The following IL1RAPL1 variants were observed in gnomAD, a reference collection of about 807,000 sequenced individuals.
IL1RAPL1 encodes the protein interleukin-1 receptor accessory protein-like 1.
Under a neutral mutation model 48.4 loss-of-function variants are expected in IL1RAPL1, and 3 were observed. That is an observed-to-expected ratio of 0.06 (90% CI 0.03 to 0.16). IL1RAPL1 has a LOEUF of 0.16. Among genes scored for constraint, IL1RAPL1 ranks in the 10% least tolerant of loss-of-function variants. The probability of loss-of-function intolerance (pLI) is 1.00; values close to 1 mark genes in which losing one functional copy is unlikely to be tolerated. For missense variants in IL1RAPL1, 349 were observed against 530.6 expected, an observed-to-expected ratio of 0.66 and a Z score of 3.36; for synonymous variants, 185 against 187.7, an observed-to-expected ratio of 0.99 and a Z score of 0.12.
At chrX:29,933,967 A>G (rs780517973) in intron 8 of IL1RAPL1, among the ~76,000 whole-genome samples, 3 of 110,472 alleles carry the variant, frequency 2.7e-5, no homozygotes, top group Non-Finnish European at 3.8e-5. Context: ...AGCCAGAGCA[A>G]AGGTCCTAAG....
Position 29,272,349 on chromosome X carries a change from A to G in IL1RAPL1, c.83-10589A>G, listed in dbSNP as rs1323961725. Among the ~76,000 whole-genome samples the G allele has an allele frequency of 2.7e-5, 3 of 111,653 alleles. No homozygotes were observed. The Admixed American group carries it at 2.9e-4, about 11-fold the overall frequency. On this transcript the variant is annotated intron_variant, in intron 2 of 10. Coordinates refer to ENST00000378993, the MANE Select transcript of IL1RAPL1 (RefSeq NM_014271.4). ...TACTGGTTCAATTTCAGAACTCACT[A>G]TGGTTCTGTTCTGTTATTGTTCTGT...
rs773774930 is a variant in IL1RAPL1 at position 28,945,901 on chromosome X, A to G, written c.82+156476A>G. 1.7e-3 allele frequency among the ~76,000 whole-genome samples: 163 copies of G among 94,713 alleles called. 1 individual carries two copies. The highest frequency in any genetic ancestry group is 0.011 in the Middle Eastern group (2 of 178). 82.2% of individuals were successfully genotyped at this position (94,713 alleles called of 115,157 possible). On this transcript the variant is annotated intron_variant, in intron 2 of 10. Coordinates refer to ENST00000378993, the MANE Select transcript of IL1RAPL1 (RefSeq NM_014271.4). ...TATATATGTATGTATATATATATAT[A>G]TATGTGTGTGTGTGTGTGTGTGTGT...
At chrX:28,998,195 TA>T (rs375090885) in intron 2 of IL1RAPL1, among the ~76,000 whole-genome samples, 20 of 105,775 alleles carry the variant, frequency 1.9e-4, no homozygotes, top group Middle Eastern at 4.9e-3. Flanking sequence ...TTAATTGCCT[TA>T]AAAAAAAAAG....
chrX:28,950,896 G>A (rs1924441761), intron 2 of IL1RAPL1, among the ~76,000 whole-genome samples: 1 of 109,085 alleles, frequency 9.2e-6, no homozygotes, highest in African/African-American at 3.3e-5. Flanking sequence ...TGATAGAATG[G>A]ATTAAGAAAA....
intron 1 of IL1RAPL1, among the ~76,000 whole-genome samples, chrX:28,789,046 C>T (rs981034074): frequency 6.8e-4 from 75 of 110,846 alleles, no homozygotes; most frequent in African/African-American, 2.3e-3. Flanking sequence ...ACAACTAGGG[C>T]GTTTAAATAA....
chrX:29,885,042 C>T (rs926430543), intron 6 of IL1RAPL1, among the ~76,000 whole-genome samples: 7 of 111,410 alleles, frequency 6.3e-5, no homozygotes, highest in Admixed American at 9.6e-5. Flanking sequence ...TTCTTCATCC[C>T]CCCGTCTTAG....
At chrX:28,713,122 C>T (rs1174062094) in intron 1 of IL1RAPL1, among the ~76,000 whole-genome samples, 2 of 110,396 alleles carry the variant, frequency 1.8e-5, no homozygotes, top group Admixed American at 9.7e-5. Context: ...GGCCTGATCT[C>T]GGCTCACTGC....
intron 2 of IL1RAPL1, among the ~76,000 whole-genome samples, chrX:29,181,256 C>T (rs754652256): frequency 1.8e-5 from 2 of 111,158 alleles, no homozygotes; most frequent in East Asian, 5.6e-4. Flanking sequence ...TTTTAGCACA[C>T]CATGTGTTCA....
rs5927515 is a variant in IL1RAPL1, at chrX:29,447,797, A to G, written c.703+48489A>G. On this transcript the variant is annotated intron_variant, in intron 5 of 10. Coordinates refer to ENST00000378993, the MANE Select transcript of IL1RAPL1 (RefSeq NM_014271.4). Reference sequence around the variant, plus strand: ...CACATACTCATTTGTCATTATTTGAAGAATAAATGAATGAATACTAAGAGC... The same window carrying G: ...CACATACTCATTTGTCATTATTTGAGGAATAAATGAATGAATACTAAGAGC... Among the ~76,000 whole-genome samples, 1,067 of 112,580 alleles carry G rather than the reference A, an allele frequency of 9.5e-3. 8 individuals carry two copies. The highest frequency in any genetic ancestry group is 0.015 in the Non-Finnish European group (807 of 53,250).
intron 6 of IL1RAPL1, among the ~76,000 whole-genome samples, chrX:29,869,324 C>A (rs970788862): frequency 1.8e-5 from 2 of 111,468 alleles, no homozygotes; most frequent in African/African-American, 6.5e-5. Flanking sequence ...CATTAAAGGG[C>A]CCACATTCCC....
At chrX:29,460,558 CT>C in intron 5 of IL1RAPL1, among the ~76,000 whole-genome samples, 1 of 112,290 alleles carries the variant, frequency 8.9e-6, no homozygotes, top group East Asian at 2.8e-4. Flanking sequence ...CATACTTCAG[CT>C]TTTTTTAAAA....
intron 6 of IL1RAPL1, among the ~76,000 whole-genome samples, chrX:29,733,045 C>CAA (rs980395650): frequency 1.8e-5 from 2 of 109,590 alleles, no homozygotes; most frequent in Non-Finnish European, 3.8e-5. Context: ...GGGAGGGAGG[C>CAA]AGAGGAAGAG....
intron 3 of IL1RAPL1, among the ~76,000 whole-genome samples, chrX:29,306,401 T>G (rs1360250173): frequency 4.5e-4 from 48 of 106,376 alleles, no homozygotes; most frequent in African/African-American, 1.7e-3. Context: ...TGGTGGTGGG[T>G]GCCTGTAATC....
intron 5 of IL1RAPL1, among the ~76,000 whole-genome samples, chrX:29,573,649 A>G (rs1922667600): frequency 8.9e-6 from 1 of 112,274 alleles, no homozygotes; most frequent in South Asian, 3.8e-4. Context: ...TCCTCCCATC[A>G]CTGGCATATC....
intron 3 of IL1RAPL1, among the ~76,000 whole-genome samples, chrX:29,334,762 G>A (rs1299405585): frequency 1.8e-5 from 2 of 113,630 alleles, no homozygotes; most frequent in Admixed American, 9.1e-5. Context: ...TGGGATGGCG[G>A]CCGGGCAGAG....
chrX:29,081,016 C>CTTTTCTTTTCTTTTCTTTTCTTT (rs1360869206), intron 2 of IL1RAPL1, among the ~76,000 whole-genome samples: 20 of 54,406 alleles, frequency 3.7e-4, no homozygotes, highest in Non-Finnish European at 5.9e-4. Flanking sequence ...CTCTCTCTCT[C>CTTTTCTTTTCTTTTCTTTTCTTT]TCTCTTTCTT....
At chrX:29,288,216 G>A (rs1932314030) in intron 3 of IL1RAPL1, among the ~76,000 whole-genome samples, 1 of 110,527 alleles carries the variant, frequency 9.0e-6, no homozygotes, top group Admixed American at 9.7e-5. Flanking sequence ...GTAAACGTGT[G>A]CCATGGTGGT....
intron 8 of IL1RAPL1, among the ~76,000 whole-genome samples, chrX:29,922,913 A>G (rs1180819223): frequency 1.8e-5 from 2 of 112,004 alleles, no homozygotes. Flanking sequence ...ACCTCCCTAG[A>G]GAGACATGTT....
chrX:29,371,356 T>A (rs1933543044), intron 3 of IL1RAPL1, among the ~76,000 whole-genome samples: 1 of 111,037 alleles, frequency 9.0e-6, no homozygotes, highest in Admixed American at 9.6e-5. Flanking sequence ...GTTCTCAAAC[T>A]CCTGATTTCA....
Sources: allele counts gnomAD v4.1 joint callset (sites outside exome capture counted in the v4.1 genomes callset), GRCh38; gene constraint gnomAD v4.1.1; transcripts MANE v1.5; gene names NCBI Gene and HGNC (gene_info 2026-07-23, HGNC 2026-07-21).